QKI: variants seen among roughly 807,000 people sequenced by gnomAD.
QKI encodes QKI, KH domain containing RNA binding.
QKI carries 10 observed loss-of-function variants against 39.0 expected under a neutral mutation model. That is an observed-to-expected ratio of 0.26 (90% confidence interval 0.16 to 0.43). QKI has a LOEUF of 0.43. Ranked by LOEUF, QKI falls within the 20% of genes least tolerant of loss-of-function variation. QKI has a pLI of 1.00. For synonymous variants in QKI, 204 were observed against 155.4 expected (o/e 1.31, Z -2.33); for missense variants, 218 against 428.0 (o/e 0.51, Z 4.33).
chr6:163,469,816 C>CAT (rs1213486441), intron 2 of QKI, among the ~76,000 whole-genome samples: 1 of 152,094 alleles, frequency 6.6e-6, no homozygotes, highest in African/African-American at 2.4e-5. Flanking sequence ...TGGAGATGAA[C>CAT]ATAAGGCCAG....
At chr6:163,440,493 T>G (rs1279583136) in intron 1 of QKI, among the ~76,000 whole-genome samples, 1 of 152,236 alleles carries the variant, frequency 6.6e-6, no homozygotes, top group East Asian at 1.9e-4. Flanking sequence ...TTAGACTTCA[T>G]TACTCTGAAT....
intron 1 of QKI, among the ~76,000 whole-genome samples, chr6:163,450,499 T>TA (rs1384528673): frequency 6.6e-6 from 1 of 152,138 alleles, no homozygotes; most frequent in Non-Finnish European, 1.5e-5. Context: ...ACCTAAGAAT[T>TA]ACTTTAAAAC....
chr6:163,468,208 G>A (rs1201101499), intron 2 of QKI, among the ~76,000 whole-genome samples: 1 of 152,106 alleles, frequency 6.6e-6, no homozygotes, highest in Non-Finnish European at 1.5e-5. Context: ...TATAATGAAA[G>A]ATTTGTAAGG....
At chr6:163,556,132 T>C (rs146273986) in intron 4 of QKI, among the ~76,000 whole-genome samples, 421 of 152,296 alleles carry the variant, frequency 2.8e-3, no homozygotes, top group Middle Eastern at 6.8e-3. Context: ...ATAATGAAGA[T>C]CTAGTGTCTA....
intron 3 of QKI, among the ~76,000 whole-genome samples, chr6:163,494,132 C>T (rs1289762941): frequency 2.0e-5 from 3 of 151,610 alleles, no homozygotes; most frequent in African/African-American, 7.3e-5. Flanking sequence ...AAAAAATATT[C>T]GGGAGGAAAA....
chr6:163,422,908 A>T (rs1788097532), intron 1 of QKI, among the ~76,000 whole-genome samples: 2 of 152,244 alleles, frequency 1.3e-5, no homozygotes, highest in African/African-American at 4.8e-5. Flanking sequence ...CTGATTTTAT[A>T]GTTTGAAATA....
At chr6:163,438,140 A>G (rs940751311) in intron 1 of QKI, among the ~76,000 whole-genome samples, 1 of 152,200 alleles carries the variant, frequency 6.6e-6, no homozygotes, top group East Asian at 1.9e-4. Flanking sequence ...TGCAAACAGC[A>G]TTTGTTAGGT....
chr6:163,416,218 G>C, intron 1 of QKI: 1 of 335,602 alleles, frequency 3.0e-6, no homozygotes, highest in Admixed American at 4.1e-5. Flanking sequence ...TTGAGCCAAA[G>C]TTTCCAAAAA....
chr6:163,548,497 C>T (rs570140460), intron 4 of QKI, among the ~76,000 whole-genome samples: 20 of 152,264 alleles, frequency 1.3e-4, no homozygotes, highest in South Asian at 8.3e-4. Flanking sequence ...CATACACATA[C>T]GTAAGCCTAC....
chr6:163,542,070 G>A (rs1042168488), intron 4 of QKI, among the ~76,000 whole-genome samples: 1 of 151,918 alleles, frequency 6.6e-6, no homozygotes, highest in South Asian at 2.1e-4. Flanking sequence ...CCTACAAAAT[G>A]TACCCTGTTT....
intron 4 of QKI, among the ~76,000 whole-genome samples, chr6:163,552,365 C>G (rs1050324356): frequency 5.3e-5 from 8 of 151,806 alleles, no homozygotes; most frequent in Non-Finnish European, 1.0e-4. Context: ...CCCGCCACCA[C>G]GCCTGGCTAA....
intron 1 of QKI, chr6:163,428,855 A>G (rs1788613269): frequency 6.6e-6 from 1 of 152,086 alleles, no homozygotes; most frequent in African/African-American, 2.4e-5. Flanking sequence ...CTATATAGAG[A>G]ACCAAGGAGG....
chr6:163,547,931 G>A (rs781104214), intron 4 of QKI, among the ~76,000 whole-genome samples: 2 of 152,242 alleles, frequency 1.3e-5, no homozygotes, highest in Non-Finnish European at 2.9e-5. Context: ...TGGTAAAAAT[G>A]TATGGCATTC....
chr6:163,520,698 T>C (rs867719633), intron 3 of QKI, among the ~76,000 whole-genome samples: 2 of 152,306 alleles, frequency 1.3e-5, no homozygotes, highest in Middle Eastern at 3.4e-3. Context: ...TTTCAAGTTA[T>C]TAACATATTT....
intron 3 of QKI, among the ~76,000 whole-genome samples, chr6:163,525,433 A>C (rs12525993): frequency 2.6e-5 from 4 of 151,154 alleles, no homozygotes; most frequent in Non-Finnish European, 5.9e-5. Context: ...GTCTTGCCTC[A>C]CTGCAGCCTC....
At chr6:163,464,348 A>C (rs1316167705) in intron 2 of QKI, among the ~76,000 whole-genome samples, 1 of 152,116 alleles carries the variant, frequency 6.6e-6, no homozygotes, top group East Asian at 1.9e-4. Context: ...AGAAGGAATG[A>C]AATAATAAAG....
At chr6:163,444,907 AATTATT>A in intron 1 of QKI, among the ~76,000 whole-genome samples, 1 of 151,812 alleles carries the variant, frequency 6.6e-6, no homozygotes, top group East Asian at 1.9e-4. Context: ...AACACTTTTT[AATTATT>A]ATTATTATTA....
At chr6:163,530,189 G>A (rs1288886389) in intron 3 of QKI, among the ~76,000 whole-genome samples, 2 of 152,136 alleles carry the variant, frequency 1.3e-5, no homozygotes, top group East Asian at 3.8e-4. Flanking sequence ...CTGAAAGATT[G>A]TTTGAAACAT....
chr6:163,421,827 C>A (rs1288106211), intron 1 of QKI, among the ~76,000 whole-genome samples: 1 of 151,980 alleles, frequency 6.6e-6, no homozygotes, highest in African/African-American at 2.4e-5. Flanking sequence ...TCACTGCAAC[C>A]TCTGCCTCCT....
Sources: allele counts gnomAD v4.1 joint callset (sites outside exome capture counted in the v4.1 genomes callset), GRCh38; gene constraint gnomAD v4.1.1; transcripts MANE v1.5; gene names NCBI Gene and HGNC (gene_info 2026-07-23, HGNC 2026-07-21).